CAPZA2: variants seen among roughly 807,000 people sequenced by gnomAD.
CAPZA2 encodes the protein capping actin protein of muscle Z-line subunit alpha 2.
In CAPZA2, 13 loss-of-function variants were observed where a neutral mutation model predicts 44.0. The observed-to-expected ratio is 0.30, with a 90% CI of 0.19 to 0.47. CAPZA2 has a LOEUF of 0.47. Among genes scored for constraint, CAPZA2 ranks in the 20% least tolerant of loss-of-function variants. CAPZA2 has a pLI of 1.00. For missense variants in CAPZA2, 244 were observed against 338.6 expected (o/e 0.72, Z 2.19); for synonymous variants, 94 against 108.2 (o/e 0.87, Z 0.81).
intron 1 of CAPZA2, among the ~76,000 whole-genome samples, chr7:116,869,195 C>T (rs943801885): frequency 1.3e-5 from 2 of 152,166 alleles, no homozygotes; most frequent in African/African-American, 2.4e-5. Context: ...ATAGGAGATT[C>T]ATGCATATCA....
At chr7:116,908,055 G>A (rs1791540520) in intron 6 of CAPZA2, among the ~76,000 whole-genome samples, 1 of 151,486 alleles carries the variant, frequency 6.6e-6, no homozygotes, top group Admixed American at 6.6e-5. Context: ...GAGGCCAGGA[G>A]TTCAAGAAAC....
Position 116,912,113 on chromosome 7 carries a change from A to G in CAPZA2, c.630A>G (p.Lys210=), listed in dbSNP as rs1791604772. The change falls in exon 8 of 10, where the codon AAA becomes AAG. Residue 210 remains lysine, a synonymous_variant. Coordinates refer to ENST00000361183, the MANE Select transcript of CAPZA2 (RefSeq NM_006136.3). ...EDGNVQLVSH[K]DIQDSLTVSN... is the part of the protein sequence containing the mutation. ...GTAATGTTCAGCTAGTGAGTCATAA[A>G]GATATACAAGATTCCCTAACAGTGT... 6.2e-7 allele frequency: 1 copy of G among 1,612,940 alleles called. No homozygotes were observed. Among genetic ancestry groups the G allele is most frequent in the African/African-American group, 1.3e-5 (1 of 74,908 alleles).
rs755098419 is a variant in CAPZA2, at chr7:116,906,283, T to C, written c.447T>C (p.Asp149=). ...ATAAGGTGTATGGCAAAAAAATAGA[T>C]GGACAGCAAACCATTATTGCATGCA... ...GVCTVYGKKI[D]GQQTIIACIE... The change falls in exon 6 of 10, where the codon GAT becomes GAC. Residue 149 remains aspartate (D), a synonymous_variant. Coordinates refer to ENST00000361183, the MANE Select transcript of CAPZA2 (RefSeq NM_006136.3). 15 of 1,612,924 alleles carry C rather than the reference T, an allele frequency of 9.3e-6. No homozygotes were observed. In the African/African-American group the frequency reaches 1.9e-4, roughly 20 times the overall value.
intron 6 of CAPZA2, 189 bp downstream of exon 6, chr7:116,906,531 A>G: frequency 1.0e-6 from 1 of 966,340 alleles, no homozygotes; most frequent in Non-Finnish European, 1.4e-6. Flanking sequence ...AGGTAGTGGT[A>G]AATCTGTTGA....
intron 4 of CAPZA2, among the ~76,000 whole-genome samples, chr7:116,902,735 C>A: frequency 6.6e-6 from 1 of 152,124 alleles, no homozygotes. Context: ...ACTCATTTCA[C>A]CTTTTTTGTT....
intron 4 of CAPZA2, among the ~76,000 whole-genome samples, chr7:116,901,880 AAT>A (rs1491377084): frequency 1.4e-4 from 10 of 69,578 alleles, no homozygotes; most frequent in East Asian, 6.6e-4. Flanking sequence ...ATAACGAAGA[AAT>A]GTGTGTGTGT....
At chr7:116,870,741 G>C (rs117011998) in intron 1 of CAPZA2, among the ~76,000 whole-genome samples, 1 of 152,100 alleles carries the variant, frequency 6.6e-6, no homozygotes, top group Non-Finnish European at 1.5e-5. Context: ...GTTTAAGTTC[G>C]TCCCACAAGA....
intron 5 of CAPZA2, among the ~76,000 whole-genome samples, chr7:116,904,962 C>A (rs1490242819): frequency 1.1e-5 from 1 of 95,112 alleles, no homozygotes. Context: ...GAAACCCTGT[C>A]TCTACTTAAA....
At chr7:116,865,278 G>A (rs890652167) in intron 1 of CAPZA2, among the ~76,000 whole-genome samples, 3 of 142,746 alleles carry the variant, frequency 2.1e-5, no homozygotes, top group Admixed American at 7.4e-5. Flanking sequence ...CTCTGCCTCC[G>A]GGGCTGAAGC....
At chr7:116,898,432 C>G (rs1385827969) in intron 3 of CAPZA2, among the ~76,000 whole-genome samples, 2 of 152,082 alleles carry the variant, frequency 1.3e-5, no homozygotes, top group Non-Finnish European at 2.9e-5. Flanking sequence ...AGCACCTAGT[C>G]TGTTTCCTGG....
At chr7:116,877,930 A>G (rs767737053) in intron 1 of CAPZA2, among the ~76,000 whole-genome samples, 3 of 152,158 alleles carry the variant, frequency 2.0e-5, no homozygotes, top group Admixed American at 1.3e-4. Context: ...TCCAGAAACA[A>G]AGTGCCTGGG....
chr7:116,871,898 T>A (rs1048767317), intron 1 of CAPZA2, among the ~76,000 whole-genome samples: 8 of 152,256 alleles, frequency 5.3e-5, no homozygotes, highest in African/African-American at 1.9e-4. Context: ...CAACTCTGGC[T>A]GCACATTAGA....
chr7:116,883,734 G>T (rs975609617), intron 1 of CAPZA2, among the ~76,000 whole-genome samples: 2 of 152,072 alleles, frequency 1.3e-5, no homozygotes, highest in Admixed American at 6.6e-5. Context: ...GATCATTTTT[G>T]CTTTCTTGGT....
rs1259560691 is a variant in CAPZA2, at chr7:116,889,399, T to A, written c.103+1209T>A. Among the ~76,000 whole-genome samples, 4 of 152,304 alleles carry A rather than the reference T, an allele frequency of 2.6e-5. No individual in the cohort carries two copies. In the South Asian group the frequency reaches 8.3e-4, roughly 32 times the overall value. On this transcript the variant is annotated intron_variant, in intron 2 of 9. Coordinates refer to ENST00000361183, the MANE Select transcript of CAPZA2 (RefSeq NM_006136.3). ...CATAGTAAACTAGTTAAATGTTTTT[T>A]AAGAAGTTTAATCATTTTTTTTTCT...
chr7:116,899,508 T>TA (rs1387164072), intron 4 of CAPZA2, among the ~76,000 whole-genome samples: 1 of 151,878 alleles, frequency 6.6e-6, no homozygotes, highest in South Asian at 2.1e-4. Flanking sequence ...TAGTCATAGT[T>TA]ACGGGGGACA....
intron 4 of CAPZA2, 121 bp downstream of exon 4, chr7:116,898,956 TG>T (rs1266881812): frequency 2.0e-6 from 1 of 502,842 alleles, no homozygotes; most frequent in Non-Finnish European, 3.5e-6. Context: ...TAACCACTTA[TG>T]GGCAAAGTAA....
intron 1 of CAPZA2, chr7:116,876,018 G>C (rs955538366): frequency 2.0e-5 from 3 of 152,226 alleles, no homozygotes; most frequent in African/African-American, 7.2e-5. Flanking sequence ...TTGGGAGGCC[G>C]AGGCGGGCGG....
chr7:116,865,174 C>CCTCTTTTTTTTTTTTTTTTTT (rs1796467137), intron 1 of CAPZA2, among the ~76,000 whole-genome samples: 1 of 122,086 alleles, frequency 8.2e-6, no homozygotes, highest in Non-Finnish European at 1.7e-5. Context: ...TATGCGCTCT[C>CCTCTTTTTTTTTTTTTTTTTT]TTCTTTTTTT....
At chr7:116,862,855 C>T (rs1163665669) in intron 1 of CAPZA2, among the ~76,000 whole-genome samples, 1 of 151,874 alleles carries the variant, frequency 6.6e-6, no homozygotes, top group Non-Finnish European at 1.5e-5. Flanking sequence ...TCTGCCAGGC[C>T]TGCTCGCTCC....
Sources: allele counts gnomAD v4.1 joint callset (sites outside exome capture counted in the v4.1 genomes callset), GRCh38; gene constraint gnomAD v4.1.1; transcripts MANE v1.5; gene names NCBI Gene and HGNC (gene_info 2026-07-23, HGNC 2026-07-21).